Variants in TMC3 observed in about 807,000 individuals in gnomAD.
The protein encoded by TMC3 is transmembrane channel-like protein 3.
Under a neutral mutation model 110.6 loss-of-function variants are expected in TMC3, and 98 were observed. The ratio of observed to expected loss-of-function variants is 0.89; its 90% confidence interval spans 0.75 to 1.05. The LOEUF (loss-of-function observed/expected upper bound fraction) is 1.05. Ranked by LOEUF, TMC3 falls within the 50% of genes least tolerant of loss-of-function variation. TMC3 has a pLI of 0.00. For missense variants in TMC3, 1,319 were observed against 1,373.2 expected (o/e 0.96, Z 0.62); for synonymous variants, 489 against 513.1 (o/e 0.95, Z 0.63).
intron 18 of TMC3, 30 bp from the exon 19 acceptor site, chr15:81,337,954 G>A (rs1398875636): frequency 6.4e-7 from 1 of 1,559,440 alleles, no homozygotes; most frequent in East Asian, 2.2e-5. Context: ...GACAATGAGT[G>A]GACTGCAACT....
chr15:81,345,658 C>T (rs1893811981), intron 12 of TMC3, among the ~76,000 whole-genome samples: 1 of 151,972 alleles, frequency 6.6e-6, no homozygotes, highest in African/African-American at 2.4e-5. Context: ...TCGCTTGAGC[C>T]CAAGAGTTTG....
In TMC3 at chr15:81,332,304, C is replaced by A; in HGVS notation, c.*115G>T. The A allele has an allele frequency of 5.0e-6, 7 of 1,397,898 alleles. No homozygotes were observed. Among genetic ancestry groups the A allele is most frequent in the Non-Finnish European group, 6.6e-6 (7 of 1,057,416 alleles). 86.6% of individuals were successfully genotyped at this position (1,397,898 alleles called of 1,614,324 possible). On this transcript the variant is annotated 3_prime_UTR_variant, in exon 22 of 22. Transcript: ENST00000359440. ...CCTCAGCTAGCAGCCGCTGACCATGCCCCTCAGGTCTCTAACACACTTGTT... is the reference window on the plus strand; with the variant it reads ...CCTCAGCTAGCAGCCGCTGACCATGACCCTCAGGTCTCTAACACACTTGTT...
chr15:81,340,169 G>T lies in TMC3; in HGVS notation c.1845-665C>A, dbSNP rs146395235. 2.4e-4 allele frequency among the ~76,000 whole-genome samples: 37 copies of T among 152,070 alleles called. No homozygotes were observed. In the East Asian group the frequency reaches 6.8e-3, roughly 28 times the overall value. On this transcript the variant is annotated intron_variant, in intron 16 of 21. Coordinates refer to ENST00000359440, the MANE Select transcript of TMC3 (RefSeq NM_001080532.3). ...GAAAAGAGAATGAGGGGTCAATCTA[G>T]TTACTTTCAACTAGTACTCTCTGTT... is the stretch of plus-strand genomic sequence containing the variant.
At chr15:81,370,044 T>A (rs1894399852) in intron 2 of TMC3, among the ~76,000 whole-genome samples, 1 of 152,110 alleles carries the variant, frequency 6.6e-6, no homozygotes, top group Admixed American at 6.6e-5. Context: ...TGACAAGAGC[T>A]ATGACAGAGG....
At chr15:81,365,277 A>G (rs1894285373) in intron 3 of TMC3, among the ~76,000 whole-genome samples, 2 of 152,348 alleles carry the variant, frequency 1.3e-5, no homozygotes, top group Admixed American at 1.3e-4. Context: ...AATTAAATGC[A>G]GTTGACTCTT....
rs201261080 is a variant in TMC3 at position 81,341,478 on chromosome 15, C to T, written c.1756G>A (p.Val586Ile). Residue 586 changes from valine (V) to isoleucine (I), a missense_variant, in exon 16 of 22, where the codon GTT becomes ATT. Transcript: ENST00000359440. ...TACATGAGCCCAATGAGTTTGAGAA[C>T]GTTGAACGCTGGGAGACATGGGGAG... is the stretch of plus-strand genomic sequence containing the variant. The part of the protein sequence containing the change: ...FFSPCLPAFN[V>I]LKLIGLMYLR... The T allele has an allele frequency of 1.2e-3, 1,977 of 1,611,226 alleles. 2 individuals carry two copies. Among genetic ancestry groups the T allele is most frequent in the African/African-American group, 4.0e-3 (301 of 74,984 alleles).
At chr15:81,367,684 G>A (rs939727676) in intron 3 of TMC3, among the ~76,000 whole-genome samples, 3 of 152,166 alleles carry the variant, frequency 2.0e-5, no homozygotes, top group Non-Finnish European at 2.9e-5. Flanking sequence ...AAAGGTGCTA[G>A]ATCACTTTTG....
In TMC3 at chr15:81,371,121, T is replaced by A. The variant is rs538413469; in HGVS notation, c.236+1470A>T. Among the ~76,000 whole-genome samples, 312 of 152,306 alleles carry A rather than the reference T, an allele frequency of 2.0e-3. 3 individuals carry two copies. Among genetic ancestry groups the A allele is most frequent in the African/African-American group, 7.3e-3 (303 of 41,560 alleles). On this transcript the variant is annotated intron_variant, in intron 2 of 21. Coordinates refer to ENST00000359440, the MANE Select transcript of TMC3 (RefSeq NM_001080532.3). ...TCTAGCACTCAGAAACTGTGTAGCT[T>A]GGGTTAGTCTCTTAACCTCTCTGAG...
chr15:81,357,523 T>C (rs1410052302), intron 7 of TMC3, among the ~76,000 whole-genome samples: 1 of 152,100 alleles, frequency 6.6e-6, no homozygotes, highest in Non-Finnish European at 1.5e-5. Context: ...CTACCCATTT[T>C]ACAGATGAGG....
intron 7 of TMC3, 71 bp from the exon 8 acceptor site, chr15:81,356,665 C>G: frequency 3.3e-6 from 5 of 1,496,886 alleles, no homozygotes; most frequent in Non-Finnish European, 4.5e-6. Flanking sequence ...ACCCATGGAG[C>G]CTTTGTGTGA....
rs769589230 is a variant in TMC3 at position 81,344,008 on chromosome 15, G to T, written c.1556C>A (p.Thr519Asn). ...LKLSIIDMLF[T>N]VASILLIDFF... ...GTCTATGAGCAGAATGCTCGCCACG[G>T]TGAAGAGCATGTCAATGATGGAGAG... is the stretch of plus-strand genomic sequence containing the variant. Residue 519 changes from threonine (T) to asparagine (N), a missense_variant, in exon 14 of 22, where the codon ACC (threonine) becomes AAC (asparagine). Thr to Asn is a moderately conservative substitution (Grantham distance 65). Transcript: ENST00000359440. 1.3e-5 allele frequency: 21 copies of T among 1,612,516 alleles called. No individual in the cohort carries two copies. The South Asian group carries it at 2.0e-4, about 15-fold the overall frequency.
intron 1 of TMC3, among the ~76,000 whole-genome samples, chr15:81,373,408 A>G (rs1894480259): frequency 6.6e-6 from 1 of 152,240 alleles, no homozygotes; most frequent in South Asian, 2.1e-4. Flanking sequence ...GCTTATCCTA[A>G]TGCAACATTT....
intron 11 of TMC3, among the ~76,000 whole-genome samples, chr15:81,347,966 T>A (rs1346314298): frequency 1.3e-5 from 2 of 152,242 alleles, no homozygotes; most frequent in Non-Finnish European, 2.9e-5. Flanking sequence ...TTCCTAGTCA[T>A]GTTTTCTCTC....
Position 81,358,131 on chromosome 15 carries a change from G to A in TMC3, c.743+18C>T. ...TCATAACGCTTGATATGTATTTTGAGAAATTGAGCAGTCATACTTTTTTAA... is the reference window on the plus strand; with the variant it reads ...TCATAACGCTTGATATGTATTTTGAAAAATTGAGCAGTCATACTTTTTTAA... On this transcript the variant is annotated intron_variant, in intron 7 of 21. Transcript: ENST00000359440. 2 of 1,565,776 alleles carry A rather than the reference G, an allele frequency of 1.3e-6. No homozygotes were observed. Among genetic ancestry groups the A allele is most frequent in the Non-Finnish European group, 1.7e-6 (2 of 1,158,742 alleles).
In TMC3 at chr15:81,341,480, T is replaced by C; in HGVS notation, c.1754A>G (p.Asn585Ser). ...AFFSPCLPAF[N>S]VLKLIGLMYL... ...CATGAGCCCAATGAGTTTGAGAACG[T>C]TGAACGCTGGGAGACATGGGGAGAA... The change falls in exon 16 of 22, where the codon AAC becomes AGC. Residue 585 changes from asparagine to serine, a missense_variant. Transcript: ENST00000359440. The C allele has an allele frequency of 6.2e-7, 1 of 1,611,306 alleles. No individual in the cohort carries two copies. The highest frequency in any genetic ancestry group is 8.5e-7 in the Non-Finnish European group (1 of 1,178,688).
chr15:81,333,057 C>T lies in TMC3; in HGVS notation c.2665G>A (p.Val889Ile), dbSNP rs746005902. 1 of 1,613,988 alleles carries T rather than the reference C, an allele frequency of 6.2e-7. No individual in the cohort carries two copies. The highest frequency in any genetic ancestry group is 1.1e-5 in the South Asian group (1 of 91,082). Residue 889 changes from valine (V) to isoleucine (I), a missense_variant, in exon 22 of 22, where the codon GTC becomes ATC. By Grantham distance (29) the Val-to-Ile change is conservative (BLOSUM62 3). Coordinates refer to ENST00000359440, the MANE Select transcript of TMC3 (RefSeq NM_001080532.3). ...GPRPHAPRYY[V>I]INECDSYKKK... The stretch of plus-strand genomic sequence containing the variant: ...TTGTAAGAGTCACATTCATTAATGA[C>T]ATAGTATCTGGGGGCGTGGGGCCTG...
Position 81,339,431 on chromosome 15 carries a change from C to T in TMC3, c.1918G>A (p.Val640Ile). 1 of 1,611,358 alleles carries T rather than the reference C, an allele frequency of 6.2e-7. No individual in the cohort carries two copies. Among genetic ancestry groups the T allele is most frequent in the Non-Finnish European group, 8.5e-7 (1 of 1,178,814 alleles). Residue 640 changes from valine to isoleucine, a missense_variant, in exon 17 of 22, where the codon GTC becomes ATC. Physicochemically the swap from Val to Ile is conservative, Grantham distance 29. Transcript: ENST00000359440. Reference protein sequence around the residue: ...LCMLPTIFAIVRYKPSLNCGP... With the variant: ...LCMLPTIFAIIRYKPSLNCGP... ...CAGTTTAGAGATGGCTTGTATCGGA[C>T]AATAGCAAAAATGGTTGGCAGCATG...
intron 3 of TMC3, among the ~76,000 whole-genome samples, chr15:81,365,952 A>C (rs1446784112): frequency 6.6e-6 from 1 of 152,168 alleles, no homozygotes; most frequent in African/African-American, 2.4e-5. Flanking sequence ...ATGTTGTTAG[A>C]TATGTGATAC....
chr15:81,354,379 G>A (rs2141712275), intron 9 of TMC3, among the ~76,000 whole-genome samples: 1 of 152,334 alleles, frequency 6.6e-6, no homozygotes, highest in Middle Eastern at 3.4e-3. Flanking sequence ...AGGGCCTTCT[G>A]AGGGGCTTAT....
Sources: gnomAD v4.1 joint callset for allele counts (sites outside exome capture counted in the v4.1 genomes callset) on GRCh38, gnomAD v4.1.1 for gene constraint, MANE v1.5 for transcripts, NCBI Gene and HGNC (gene_info 2026-07-23, HGNC 2026-07-21) for gene names.